CCNF: variants seen among roughly 807,000 people sequenced by gnomAD.
CCNF encodes the protein cyclin-F.
Under a neutral mutation model 85.4 loss-of-function variants are expected in CCNF, and 30 were observed. That is an observed-to-expected ratio of 0.35 (90% CI 0.26 to 0.48). The LOEUF (loss-of-function observed/expected upper bound fraction) is 0.48. Ranked by LOEUF, CCNF falls within the 20% of genes least tolerant of loss-of-function variation. The pLI is 0.99. For synonymous variants in CCNF, 439 were observed against 425.1 expected (o/e 1.03, Z -0.40); for missense variants, 919 against 1,010.4 (o/e 0.91, Z 1.23).
At chr16:2,441,538 G>T (rs1475696324) in intron 8 of CCNF, among the ~76,000 whole-genome samples, 1 of 151,900 alleles carries the variant, frequency 6.6e-6, no homozygotes. Flanking sequence ...AGGCTGAGGC[G>T]GGAGGATCAC....
chr16:2,449,432 C>T lies in CCNF; in HGVS notation c.1369C>T (p.Leu457=), dbSNP rs2065380931. 4 of 1,608,240 alleles carry T rather than the reference C, an allele frequency of 2.5e-6. No individual in the cohort carries two copies. The African/African-American group carries it at 4.0e-5, about 16-fold the overall frequency. ...CCCAGCCCGCCTGGCTGCCGCAGCC[C>T]TGCTCCTGGCCAGACTGACGCACGG... is the stretch of plus-strand genomic sequence containing the variant. ...YAPARLAAAA[L]LLARLTHGQT... is the part of the protein sequence containing the mutation. The change falls in exon 12 of 17, where the codon CTG becomes TTG. Residue 457 remains leucine, a synonymous_variant. Coordinates refer to ENST00000397066, the MANE Select transcript of CCNF (RefSeq NM_001761.3).
intron 1 of CCNF, among the ~76,000 whole-genome samples, chr16:2,430,563 T>C (rs901293916): frequency 1.3e-5 from 2 of 152,108 alleles, no homozygotes; most frequent in Non-Finnish European, 2.9e-5. Flanking sequence ...CATTCTACAA[T>C]AGAGGGCACA....
At position 2,451,700 on chromosome 16, in the gene CCNF, G is replaced by A. The variant is rs1332158559; in HGVS notation, c.1488-1510G>A. Among the ~76,000 whole-genome samples the A allele has an allele frequency of 6.6e-6, 1 of 152,178 alleles. No individual in the cohort carries two copies. Among genetic ancestry groups the A allele is most frequent in the African/African-American group, 2.4e-5 (1 of 41,440 alleles). On this transcript the variant is annotated intron_variant, in intron 13 of 16. Coordinates refer to ENST00000397066, the MANE Select transcript of CCNF (RefSeq NM_001761.3). This position sits in a 1 kb window ranked among gnomAD's most constrained non-coding sequence, Gnocchi z 4.3. ...CGAGTAGCAGAAACCACAGGCACCA[G>A]CACAGCAGGCCTGGGTGCTTTTCTC...
chr16:2,450,435 C>T (rs757014272), intron 13 of CCNF, among the ~76,000 whole-genome samples: 9 of 151,308 alleles, frequency 5.9e-5, no homozygotes, highest in Admixed American at 2.6e-4. Context: ...CACTTGAACC[C>T]GGGAGGCAGA....
At chr16:2,429,929 A>AC (rs2065254509) in intron 1 of CCNF, among the ~76,000 whole-genome samples, 1 of 152,122 alleles carries the variant, frequency 6.6e-6, no homozygotes, top group African/African-American at 2.4e-5. Flanking sequence ...GGGGCCGTGG[A>AC]CCTAGCTCTG....
Position 2,449,451 on chromosome 16 carries a change from C to G in CCNF, c.1388C>G (p.Thr463Arg), listed in dbSNP as rs537870896. ...GCAGCCCTGCTCCTGGCCAGACTGA[C>G]GCACGGGCAGAGTAAGGAGTGGCCC... Reference protein sequence around the residue: ...AAAALLLARLTHGQTQPWTTQ... With the variant: ...AAAALLLARLRHGQTQPWTTQ... Residue 463 changes from threonine to arginine, a missense_variant, in exon 12 of 17, where the codon ACG becomes AGG. Coordinates refer to ENST00000397066, the MANE Select transcript of CCNF (RefSeq NM_001761.3). 6.2e-7 allele frequency: 1 copy of G among 1,604,808 alleles called. No individual in the cohort carries two copies. The highest frequency in any genetic ancestry group is 8.5e-7 in the Non-Finnish European group (1 of 1,179,382).
intron 10 of CCNF, among the ~76,000 whole-genome samples, chr16:2,446,925 T>C (rs1197816126): frequency 2.0e-5 from 3 of 152,102 alleles, no homozygotes; most frequent in Admixed American, 1.3e-4. Context: ...TCTTCGGGCC[T>C]GTGTGTGCCA....
At position 2,452,957 on chromosome 16, in the gene CCNF, T is replaced by G; in HGVS notation, c.1488-253T>G. On this transcript the variant is annotated intron_variant, in intron 13 of 16. Transcript: ENST00000397066. This position sits in a 1 kb window ranked among gnomAD's most constrained non-coding sequence, Gnocchi z 4.1. ...CCGCAGCTGGTGGACATTTTGCCTA[T>G]TGTGAACAGTCCTGCCATGAACATT... The G allele has an allele frequency of 3.7e-6, 2 of 545,726 alleles. No individual in the cohort carries two copies. The highest frequency in any genetic ancestry group is 3.1e-5 in the East Asian group (1 of 32,104). 33.8% of individuals were successfully genotyped at this position (545,726 alleles called of 1,614,324 possible).
At chr16:2,430,817 C>T (rs940011911) in intron 1 of CCNF, among the ~76,000 whole-genome samples, 3 of 152,210 alleles carry the variant, frequency 2.0e-5, no homozygotes, top group African/African-American at 7.2e-5. Context: ...GCAGCTTTTT[C>T]CCCTTCCTGC....
rs78649157 is a variant in CCNF at position 2,439,910 on chromosome 16, G to C, written c.777+84G>C. 1.1e-4 allele frequency: 136 copies of C among 1,201,786 alleles called. No individual in the cohort carries two copies. The East Asian group carries it at 1.6e-3, about 14-fold the overall frequency. The allele number at this position is 1,201,786 out of a possible 1,614,324, so 74.4% of individuals were successfully genotyped here. On this transcript the variant is annotated intron_variant, in intron 8 of 16. Coordinates refer to ENST00000397066, the MANE Select transcript of CCNF (RefSeq NM_001761.3). ...CAGGACTATCTGGGCTCCCACATTGGGGGGCAGGACTATCTGGGCTCCCAC... is the reference window on the plus strand; with the variant it reads ...CAGGACTATCTGGGCTCCCACATTGCGGGGCAGGACTATCTGGGCTCCCAC...
intron 9 of CCNF, among the ~76,000 whole-genome samples, chr16:2,444,900 C>CT (rs35090353): frequency 1.2e-4 from 17 of 140,900 alleles, no homozygotes; most frequent in South Asian, 2.3e-4. Context: ...CATTGAACAT[C>CT]TTTTTTTTTT....
At chr16:2,449,494 G>A (rs1465559571) in intron 12 of CCNF, 32 bp downstream of exon 12, 1 of 1,580,838 alleles carries the variant, frequency 6.3e-7, no homozygotes, top group African/African-American at 1.3e-5. Flanking sequence ...GGATGCCTGT[G>A]TCGGGGAAGG....
chr16:2,456,173 C>T lies in CCNF; in HGVS notation c.1886-372C>T, dbSNP rs1001482213. On this transcript the variant is annotated intron_variant, in intron 16 of 16. Transcript: ENST00000397066. The surrounding 1 kb of genome is among the most constrained non-coding windows in gnomAD (Gnocchi z 4.5). Reference sequence around the variant, plus strand: ...TAGAATGTTGTTTGAGGTGTGCCCACGTGGTATACGTGACACTCCTCACTG... The same window carrying T: ...TAGAATGTTGTTTGAGGTGTGCCCATGTGGTATACGTGACACTCCTCACTG... 4.8e-6 allele frequency: 1 copy of T among 206,730 alleles called. No homozygotes were observed. The highest frequency in any genetic ancestry group is 1.8e-3 in the Middle Eastern group (1 of 556). The allele number at this position is 206,730 out of a possible 1,614,324, so 12.8% of individuals were successfully genotyped here. A position where few individuals can be genotyped will look rare whatever the true frequency, so the allele number is the denominator to read the frequency against.
At position 2,433,960 on chromosome 16, in the gene CCNF, G is replaced by C. The variant is rs1039127857; in HGVS notation, c.278+893G>C. Among the ~76,000 whole-genome samples the C allele has an allele frequency of 2.0e-5, 3 of 152,200 alleles. No homozygotes were observed. The East Asian group carries it at 5.8e-4, about 29-fold the overall frequency. ...TGCTTGGGCTGCTTCCAGGGGGAAT[G>C]TATATATTTCTTATTGAGACATTAT... is the stretch of plus-strand genomic sequence containing the variant. On this transcript the variant is annotated intron_variant, in intron 3 of 16. Transcript: ENST00000397066.
At chr16:2,439,586 G>C (rs1567384852) in intron 7 of CCNF, 129 bp downstream of exon 7, 21 of 893,868 alleles carry the variant, frequency 2.3e-5, no homozygotes, top group South Asian at 6.1e-5. Context: ...TCAGCCTCCG[G>C]GAACCACTGG....
rs1315794784 is a variant in CCNF at position 2,450,440 on chromosome 16, G to A, written c.1487+525G>A. On this transcript the variant is annotated intron_variant, in intron 13 of 16. Transcript: ENST00000397066. ...ACAGGAGAATCACTTGAACCCGGGA[G>A]GCAGAGGTTGCGGTGAGCCGAGATT... is the stretch of plus-strand genomic sequence containing the variant. Among the ~76,000 whole-genome samples, 4 of 151,726 alleles carry A rather than the reference G, an allele frequency of 2.6e-5. No homozygotes were observed. The East Asian group carries it at 7.7e-4, about 29-fold the overall frequency.
chr16:2,445,774 C>T, intron 10 of CCNF, 152 bp downstream of exon 10: 2 of 741,946 alleles, frequency 2.7e-6, no homozygotes, highest in South Asian at 1.9e-5. Context: ...GTCACCCAGG[C>T]TGGAGTGCAG....
rs770009969 is a variant in CCNF, at chr16:2,439,386, T to A, written c.628T>A (p.Phe210Ile). The A allele has an allele frequency of 6.2e-7, 1 of 1,609,910 alleles. No homozygotes were observed. The highest frequency in any genetic ancestry group is 1.1e-5 in the South Asian group (1 of 90,082). ...EEKQQQAHDLFEEAAHQGCLT... is the reference protein window; with the variant it reads ...EEKQQQAHDLIEEAAHQGCLT... ...GAAGCAGCAGCAGGCCCATGACCTG[T>A]TTGAGGAGGCTGCTCATCAGGGATG... Residue 210 changes from phenylalanine (F) to isoleucine (I), a missense_variant, in exon 7 of 17, where the codon TTT becomes ATT. Physicochemically the swap from Phe to Ile is conservative, Grantham distance 21. Coordinates refer to ENST00000397066, the MANE Select transcript of CCNF (RefSeq NM_001761.3).
At position 2,445,487 on chromosome 16, in the gene CCNF, T is replaced by C. The variant is rs756007066; in HGVS notation, c.959T>C (p.Val320Ala). ...RYILIDWLVE[V>A]ATMKDFTSLC... Reference sequence around the variant, plus strand: ...ATTCTGATCGACTGGCTGGTGGAAGTTGCCACCATGAAGGACTTCACAAGC... The same window carrying C: ...ATTCTGATCGACTGGCTGGTGGAAGCTGCCACCATGAAGGACTTCACAAGC... Residue 320 changes from valine (V) to alanine (A), a missense_variant, in exon 10 of 17, where the codon GTT becomes GCT. Val to Ala is a moderately conservative substitution (Grantham distance 64). Transcript: ENST00000397066. 1 of 1,613,910 alleles carries C rather than the reference T, an allele frequency of 6.2e-7. No homozygotes were observed.
Sources: allele counts gnomAD v4.1 joint callset (sites outside exome capture counted in the v4.1 genomes callset), GRCh38; gene constraint gnomAD v4.1.1; non-coding constraint Gnocchi (gnomAD v3.1); transcripts MANE v1.5; gene names NCBI Gene and HGNC (gene_info 2026-07-23, HGNC 2026-07-21).